FNBP4: variants seen among roughly 807,000 people sequenced by gnomAD.
FNBP4 encodes formin binding protein 4.
A neutral mutation model predicts 119.3 loss-of-function variants in FNBP4; 34 were observed. The ratio of observed to expected loss-of-function variants is 0.28; its 90% CI spans 0.22 to 0.38. The LOEUF is 0.38. Ranked by LOEUF, FNBP4 falls within the 10% of genes least tolerant of loss-of-function variation. The pLI is 1.00. For missense variants in FNBP4, 1,112 were observed against 1,228.9 expected (o/e 0.90, Z 1.42); for synonymous variants, 462 against 430.6 (o/e 1.07, Z -0.90).
rs749035400 is a variant in FNBP4 at position 47,724,558 on chromosome 11, C to T, written c.2229G>A (p.Glu743=). Residue 743 remains glutamate (E), a synonymous_variant, in exon 13 of 17, where the codon GAG becomes GAA. Coordinates refer to ENST00000263773, the MANE Select transcript of FNBP4 (RefSeq NM_015308.5). ...CAGGGGGCTCCTCACTTCCCTCATCCTCCATCTCTACCTCCTGGATCTCAC... is the reference window on the plus strand; with the variant it reads ...CAGGGGGCTCCTCACTTCCCTCATCTTCCATCTCTACCTCCTGGATCTCAC... ...EDGEIQEVEM[E]DEGSEEPPAP... is the part of the protein sequence containing the mutation. The T allele has an allele frequency of 1.2e-6, 2 of 1,614,108 alleles. No homozygotes were observed.
At chr11:47,737,139 C>T (rs183616949) in intron 8 of FNBP4, among the ~76,000 whole-genome samples, 6 of 151,752 alleles carry the variant, frequency 4.0e-5, no homozygotes, top group East Asian at 1.9e-4. Flanking sequence ...TGCAGTGAGC[C>T]GAGATTGCGC....
At chr11:47,763,586 C>T (rs1315204567) in intron 2 of FNBP4, among the ~76,000 whole-genome samples, 3 of 151,954 alleles carry the variant, frequency 2.0e-5, no homozygotes, top group South Asian at 2.1e-4. Context: ...CTGCAAGCTC[C>T]GCCTCCCGGG....
Position 47,724,115 on chromosome 11 carries a change from C to G in FNBP4, c.2377G>C (p.Ala793Pro). Residue 793 changes from alanine (A) to proline (P), a missense_variant, in exon 14 of 17, where the codon GCT (alanine) becomes CCT (proline). By Grantham distance (27) the Ala-to-Pro change is conservative. This residue lies in a region of FNBP4 where 826 missense variants were observed against 988.8 expected (regional missense o/e 0.84). Coordinates refer to ENST00000263773, the MANE Select transcript of FNBP4 (RefSeq NM_015308.5). The stretch of plus-strand genomic sequence containing the variant: ...ACCACTGCAGTGCTAATTTCTGTAG[C>G]TTTCCTCTTTATTCCTTTAGTGGAA... ...SSSTKGIKRK[A>P]TEISTAVVQR... 1 of 1,614,204 alleles carries G rather than the reference C, an allele frequency of 6.2e-7. No individual in the cohort carries two copies. Among genetic ancestry groups the G allele is most frequent in the South Asian group, 1.1e-5 (1 of 91,088 alleles).
intron 1 of FNBP4, among the ~76,000 whole-genome samples, chr11:47,766,779 CG>C (rs2097648538): frequency 6.6e-6 from 1 of 152,252 alleles, no homozygotes; most frequent in African/African-American, 2.4e-5. Context: ...AAAACCGACC[CG>C]GGGCGTTTGG....
At chr11:47,766,191 G>C (rs968237601) in intron 1 of FNBP4, among the ~76,000 whole-genome samples, 1 of 152,026 alleles carries the variant, frequency 6.6e-6, no homozygotes. Flanking sequence ...GCAGGGTCCT[G>C]TAGTCCCAGC....
At chr11:47,751,390 C>G (rs1259692227) in intron 4 of FNBP4, 100 bp from the exon 5 acceptor site, 2 of 1,402,834 alleles carry the variant, frequency 1.4e-6, no homozygotes, top group South Asian at 1.3e-5. Flanking sequence ...CAAAACAGCA[C>G]TGTTAACTTT....
chr11:47,730,545 G>A (rs1297607560), intron 12 of FNBP4, among the ~76,000 whole-genome samples: 2 of 152,136 alleles, frequency 1.3e-5, no homozygotes, highest in African/African-American at 4.8e-5. Flanking sequence ...TTAGACAAAA[G>A]AATTCAGCTC....
Position 47,754,644 on chromosome 11 carries a change from C to T in FNBP4, c.334G>A (p.Ala112Thr), listed in dbSNP as rs980918606. The change falls in exon 3 of 17, where the codon GCT becomes ACT. Residue 112 changes from alanine (A) to threonine (T), a missense_variant. Physicochemically the swap from Ala to Thr is moderately conservative, Grantham distance 58. Transcript: ENST00000263773. The stretch of plus-strand genomic sequence containing the variant: ...TCATCGTCATCACTGTCAGCATAAG[C>T]ACCAAGCAAGCATAGACCGCCTAGA... Reference protein sequence around the residue: ...KATGGLCLLGAYADSDDDDND... With the variant: ...KATGGLCLLGTYADSDDDDND... The T allele has an allele frequency of 7.4e-6, 12 of 1,613,960 alleles. No homozygotes were observed. In the African/African-American group the frequency reaches 1.6e-4, roughly 22 times the overall value.
chr11:47,765,119 C>T, intron 2 of FNBP4, 151 bp downstream of exon 2: 1 of 627,304 alleles, frequency 1.6e-6, no homozygotes, highest in East Asian at 2.7e-5. Flanking sequence ...TCAACATTCT[C>T]TCACAAACAA....
In FNBP4 at chr11:47,736,743, G is replaced by T; in HGVS notation, c.1457-3C>A. 6.3e-7 allele frequency: 1 copy of T among 1,591,444 alleles called. No homozygotes were observed. The highest frequency in any genetic ancestry group is 8.6e-7 in the Non-Finnish European group (1 of 1,165,230). On this transcript the variant is annotated splice_region_variant and splice_polypyrimidine_tract_variant and intron_variant, in intron 8 of 16. Coordinates refer to ENST00000263773, the MANE Select transcript of FNBP4 (RefSeq NM_015308.5). The stretch of plus-strand genomic sequence containing the variant: ...TTCTGAATTTTCAGCACCAATTGCT[G>T]TAAAAAAAACATGTAAAATTAAACC...
Position 47,767,109 on chromosome 11 carries a change from CGCGGTG to C in FNBP4, c.174_179del (p.Thr59_Ala60del), listed in dbSNP as rs1456592461. ...CGTCCGAGGCCGCGGCGGCAGTCAC[CGCGGTG>C]GTGGTGGTCGTCGCCGCCGACGGGG... On this transcript the variant is annotated inframe_deletion, in exon 1 of 17. Transcript: ENST00000263773. The C allele has an allele frequency of 1.3e-6, 2 of 1,513,968 alleles. No individual in the cohort carries two copies. The highest frequency in any genetic ancestry group is 2.4e-5 in the South Asian group (2 of 82,286). The allele number at this position is 1,513,968 out of a possible 1,614,324, so 93.8% of individuals were successfully genotyped here.
chr11:47,719,203 T>C (rs914145918), intron 16 of FNBP4, among the ~76,000 whole-genome samples: 1 of 152,238 alleles, frequency 6.6e-6, no homozygotes, highest in Non-Finnish European at 1.5e-5. Context: ...TGTGCTTTCA[T>C]CATAAAAAAT....
In FNBP4 at chr11:47,752,920, T is replaced by C; in HGVS notation, c.633A>G (p.Ala211=). 1 of 1,610,158 alleles carries C rather than the reference T, an allele frequency of 6.2e-7. No homozygotes were observed. Among genetic ancestry groups the C allele is most frequent in the Non-Finnish European group, 8.5e-7 (1 of 1,178,014 alleles). ...AAATCAAAGGATCAAGTTTACCTCC[T>C]GCCAGTGAACACTGAGTATCATATT... is the stretch of plus-strand genomic sequence containing the variant. The part of the protein sequence containing the change: ...GWQYDTQCSL[A]GVGIEMGDWQ... The change falls in exon 4 of 17, where the codon GCA becomes GCG. Residue 211 remains alanine, a synonymous_variant. Coordinates refer to ENST00000263773, the MANE Select transcript of FNBP4 (RefSeq NM_015308.5).
chr11:47,736,595 T>A lies in FNBP4; in HGVS notation c.1581+21A>T, dbSNP rs753533471. 4 of 1,546,178 alleles carry A rather than the reference T, an allele frequency of 2.6e-6. No homozygotes were observed. The South Asian group carries it at 4.7e-5, about 18-fold the overall frequency. On this transcript the variant is annotated intron_variant, in intron 9 of 16. Transcript: ENST00000263773. ...TAATAATAATAAAAATTTGTCAAGTTGCATTAAGTAATATACATACTTTCA... is the reference window on the plus strand; with the variant it reads ...TAATAATAATAAAAATTTGTCAAGTAGCATTAAGTAATATACATACTTTCA...
chr11:47,732,054 A>T lies in FNBP4; in HGVS notation c.1820+483T>A. 2.0e-6 allele frequency: 2 copies of T among 992,172 alleles called. No individual in the cohort carries two copies. Among genetic ancestry groups the T allele is most frequent in the Non-Finnish European group, 2.4e-6 (2 of 834,642 alleles). The allele number at this position is 992,172 out of a possible 1,614,324, so 61.5% of individuals were successfully genotyped here. On this transcript the variant is annotated intron_variant, in intron 11 of 16. Transcript: ENST00000263773. The surrounding 1 kb of genome is among the most constrained non-coding windows in gnomAD (Gnocchi z 4.2). ...GGAGCTGAAAAATAAAAGAGCAAAG[A>T]TTTCAAATAACGAAAAAAAAATCAA...
At chr11:47,751,406 A>T in intron 4 of FNBP4, 116 bp from the exon 5 acceptor site, 1 of 1,233,418 alleles carries the variant, frequency 8.1e-7, no homozygotes. Context: ...ACTTTTGGGC[A>T]CACAGGTCTT....
chr11:47,753,582 A>G (rs983655504), intron 3 of FNBP4, among the ~76,000 whole-genome samples: 3 of 152,002 alleles, frequency 2.0e-5, no homozygotes, highest in African/African-American at 7.2e-5. Flanking sequence ...CTGCATTCCA[A>G]CCTGGGTGAA....
chr11:47,761,005 G>GA (rs1018760407), intron 2 of FNBP4, among the ~76,000 whole-genome samples: 41 of 152,238 alleles, frequency 2.7e-4, no homozygotes, highest in Admixed American at 7.9e-4. Flanking sequence ...TGGCTTGCTT[G>GA]AAACAACTAA....
chr11:47,748,384 A>T (rs7932703), intron 6 of FNBP4, among the ~76,000 whole-genome samples: 1 of 151,562 alleles, frequency 6.6e-6, no homozygotes, highest in South Asian at 2.1e-4. Context: ...TGTAACTGTA[A>T]ATTTAAGTTA....
Sources: allele counts gnomAD v4.1 joint callset (sites outside exome capture counted in the v4.1 genomes callset), GRCh38; gene constraint gnomAD v4.1.1; regional missense constraint gnomAD v4.1.1; non-coding constraint Gnocchi (gnomAD v3.1); transcripts MANE v1.5; gene names NCBI Gene and HGNC (gene_info 2026-07-23, HGNC 2026-07-21).